Variants in ENTREP2 observed in about 807,000 individuals in gnomAD.
The protein encoded by ENTREP2 is endosomal transmembrane epsin interactor 2.
chr15:29,182,109 T>G, the ENTREP2 span, among the ~76,000 whole-genome samples: 12 of 151,802 alleles, frequency 7.9e-5, no homozygotes, highest in African/African-American at 2.4e-4. Context: ...GAATAAAAAA[T>G]TTAAAGTAAA....
chr15:29,207,084 T>C, the ENTREP2 span, among the ~76,000 whole-genome samples: 2,282 of 152,220 alleles, frequency 0.015, 56 homozygotes, highest in African/African-American at 0.052. Context: ...AGCAGTGCCC[T>C]CAGCCAGCCC....
the ENTREP2 span, among the ~76,000 whole-genome samples, chr15:29,542,341 C>T: frequency 6.6e-6 from 1 of 151,716 alleles, no homozygotes; most frequent in Admixed American, 6.6e-5. Flanking sequence ...CTCTGTCACC[C>T]AGGCTGGAGT....
chr15:29,644,382 T>C, the ENTREP2 span, among the ~76,000 whole-genome samples: 1 of 152,214 alleles, frequency 6.6e-6, no homozygotes, highest in African/African-American at 2.4e-5. Context: ...GGCCATTTAA[T>C]TGTGCACTTT....
the ENTREP2 span, among the ~76,000 whole-genome samples, chr15:29,602,820 C>CAG: frequency 6.6e-6 from 1 of 152,174 alleles, no homozygotes; most frequent in African/African-American, 2.4e-5. Flanking sequence ...TGCATTCATT[C>CAG]AGAGCTAAGT....
chr15:29,126,790 G>T, the ENTREP2 span, among the ~76,000 whole-genome samples: 23 of 152,288 alleles, frequency 1.5e-4, no homozygotes, highest in Admixed American at 5.2e-4. Context: ...GGGTGAACAG[G>T]GCCAGTGCAG....
the ENTREP2 span, among the ~76,000 whole-genome samples, chr15:29,570,879 G>A: frequency 6.9e-6 from 1 of 144,812 alleles, no homozygotes; most frequent in African/African-American, 2.5e-5. Context: ...GGAGCGGGCC[G>A]GGCCGGGCGG....
chr15:29,268,848 C>CTT, the ENTREP2 span: 10 of 1,614,100 alleles, frequency 6.2e-6, no homozygotes, highest in Non-Finnish European at 8.5e-6. Context: ...CCTCATCTGC[C>CTT]AAAGCCTCAC....
the ENTREP2 span, among the ~76,000 whole-genome samples, chr15:29,663,023 C>T: frequency 1.2e-4 from 19 of 152,080 alleles, no homozygotes; most frequent in Middle Eastern, 3.4e-3. Flanking sequence ...AGGACTGGCT[C>T]CTGATTCTAA....
chr15:29,440,417 G>T, the ENTREP2 span, among the ~76,000 whole-genome samples: 1 of 152,136 alleles, frequency 6.6e-6, no homozygotes, highest in Non-Finnish European at 1.5e-5. Flanking sequence ...TCATAGAATA[G>T]TATGCATTGA....
chr15:29,127,075 C>T, the ENTREP2 span, among the ~76,000 whole-genome samples: 2 of 152,290 alleles, frequency 1.3e-5, no homozygotes, highest in Admixed American at 6.5e-5. Flanking sequence ...GAGACTCTGG[C>T]GCTGGGCCCA....
At chr15:29,619,219 CATCTCT>C in the ENTREP2 span, among the ~76,000 whole-genome samples, 1 of 152,076 alleles carries the variant, frequency 6.6e-6, no homozygotes, top group Non-Finnish European at 1.5e-5. Flanking sequence ...GGTGAAACCC[CATCTCT>C]ACTAAAAATA....
At chr15:29,300,129 G>C in the ENTREP2 span, among the ~76,000 whole-genome samples, 1 of 144,700 alleles carries the variant, frequency 6.9e-6, no homozygotes, top group African/African-American at 2.6e-5. Flanking sequence ...GGATGAATGG[G>C]TAGGTGAGTA....
chr15:29,332,290 ACT>A, the ENTREP2 span, among the ~76,000 whole-genome samples: 1 of 152,158 alleles, frequency 6.6e-6, no homozygotes, highest in Non-Finnish European at 1.5e-5. Context: ...CCCCAGTGTA[ACT>A]CTATAGCCAT....
the ENTREP2 span, among the ~76,000 whole-genome samples, chr15:29,651,783 G>A: frequency 1.3e-5 from 2 of 152,198 alleles, no homozygotes; most frequent in Non-Finnish European, 2.9e-5. Flanking sequence ...GGGCACCCAC[G>A]AGCATGGGAG....
At chr15:29,222,700 G>A in the ENTREP2 span, among the ~76,000 whole-genome samples, 2 of 152,162 alleles carry the variant, frequency 1.3e-5, no homozygotes, top group Non-Finnish European at 2.9e-5. Context: ...AGGTTCAGGG[G>A]CCTGCTTCAG....
At chr15:29,273,989 A>G in the ENTREP2 span, among the ~76,000 whole-genome samples, 46 of 152,186 alleles carry the variant, frequency 3.0e-4, no homozygotes, top group Admixed American at 2.6e-4. Flanking sequence ...CATGTGAGTC[A>G]ATACTCTAGT....
chr15:29,178,538 G>T, the ENTREP2 span, among the ~76,000 whole-genome samples: 2 of 151,886 alleles, frequency 1.3e-5, no homozygotes, highest in Non-Finnish European at 2.9e-5. Context: ...CCTGGGGCCT[G>T]GGCGAGCGCT....
the ENTREP2 span, chr15:29,269,734 T>C: frequency 2.1e-6 from 3 of 1,460,990 alleles, no homozygotes; most frequent in Non-Finnish European, 2.7e-6. Context: ...CGGCGCACAC[T>C]CCGGTAGGCA....
chr15:29,533,001 G>A, the ENTREP2 span, among the ~76,000 whole-genome samples: 3 of 152,194 alleles, frequency 2.0e-5, no homozygotes, highest in Non-Finnish European at 4.4e-5. Flanking sequence ...GCCTCTACAG[G>A]AGGAAGGGGA....
Sources: gnomAD v4.1 joint callset for allele counts (sites outside exome capture counted in the v4.1 genomes callset) on GRCh38, gnomAD v4.1.1 for gene constraint, MANE v1.5 for transcripts, NCBI Gene and HGNC (gene_info 2026-07-23, HGNC 2026-07-21) for gene names.